GPC5: variants seen among roughly 807,000 people sequenced by gnomAD.
GPC5 encodes glypican 5, also known as glypican-5.
GPC5 carries 47 observed loss-of-function variants against 53.9 expected under a neutral mutation model. The observed-to-expected ratio is 0.87, with a 90% CI of 0.69 to 1.11. The LOEUF is 1.11. GPC5 is among the 50% of genes most tolerant of loss of function. The pLI, the probability that GPC5 is intolerant of heterozygous loss-of-function variation, is 0.00. For missense variants in GPC5, 748 were observed against 713.1 expected (o/e 1.05, Z -0.56); for synonymous variants, 286 against 263.3 (o/e 1.09, Z -0.84).
At chr13:91,783,196 G>C (rs2037825138) in intron 5 of GPC5, among the ~76,000 whole-genome samples, 1 of 151,976 alleles carries the variant, frequency 6.6e-6, no homozygotes, top group Non-Finnish European at 1.5e-5. Flanking sequence ...AGAGGTTGCA[G>C]TGAGCTGAGA....
At chr13:91,838,994 A>G (rs1302190153) in intron 5 of GPC5, among the ~76,000 whole-genome samples, 1 of 152,162 alleles carries the variant, frequency 6.6e-6, no homozygotes, top group Non-Finnish European at 1.5e-5. Context: ...TAAGGATAGT[A>G]TTTATAAAAA....
chr13:92,845,793 T>G (rs1051006072), intron 7 of GPC5, among the ~76,000 whole-genome samples: 10 of 152,174 alleles, frequency 6.6e-5, no homozygotes, highest in African/African-American at 2.4e-4. Context: ...AATGGTAATT[T>G]TAATATTAAT....
intron 1 of GPC5, among the ~76,000 whole-genome samples, chr13:91,448,384 C>T (rs531423528): frequency 3.3e-4 from 51 of 152,286 alleles, no homozygotes; most frequent in Non-Finnish European, 6.5e-4. Context: ...TTCTTTTAGT[C>T]CACATAATTA....
chr13:91,876,935 C>CT (rs1430297326), intron 5 of GPC5, among the ~76,000 whole-genome samples: 1 of 152,174 alleles, frequency 6.6e-6, no homozygotes, highest in Admixed American at 6.5e-5. Flanking sequence ...ACTTGGTGCC[C>CT]TGTGTCTCAG....
intron 2 of GPC5, among the ~76,000 whole-genome samples, chr13:91,488,027 C>A (rs1883716348): frequency 6.6e-6 from 1 of 151,182 alleles, no homozygotes; most frequent in African/African-American, 2.4e-5. Context: ...GCATTATATG[C>A]ACATTTAATT....
chr13:91,829,103 G>C (rs1434545424), intron 5 of GPC5, among the ~76,000 whole-genome samples: 1 of 151,976 alleles, frequency 6.6e-6, no homozygotes, highest in Non-Finnish European at 1.5e-5. Context: ...TCAATATTGG[G>C]TTAAAATGAC....
intron 7 of GPC5, among the ~76,000 whole-genome samples, chr13:92,771,998 A>G (rs539525793): frequency 6.6e-6 from 1 of 152,052 alleles, no homozygotes; most frequent in South Asian, 2.1e-4. Flanking sequence ...TCTTTCAGAA[A>G]CTCATCTCCA....
intron 7 of GPC5, among the ~76,000 whole-genome samples, chr13:92,839,071 C>T (rs1878328980): frequency 6.6e-6 from 1 of 152,192 alleles, no homozygotes; most frequent in African/African-American, 2.4e-5. Context: ...AAGTGCCATT[C>T]AAATGAGTCA....
In GPC5 at chr13:91,724,620, G is replaced by A. The variant is rs185268931; in HGVS notation, c.1021-3912G>A. Among the ~76,000 whole-genome samples, 195 of 152,148 alleles carry A rather than the reference G, an allele frequency of 1.3e-3. 1 individual carries two copies. The highest frequency in any genetic ancestry group is 4.4e-3 in the African/African-American group (181 of 41,500). On this transcript the variant is annotated intron_variant, in intron 3 of 7. Coordinates refer to ENST00000377067, the MANE Select transcript of GPC5 (RefSeq NM_004466.6). ...TTCCAGCATTTTGGGAGGCTGAGGT[G>A]GGAGGATCACTTGAGGCCAGGGGTT...
At chr13:92,000,936 T>C (rs1053085019) in intron 6 of GPC5, among the ~76,000 whole-genome samples, 4 of 152,160 alleles carry the variant, frequency 2.6e-5, no homozygotes, top group Non-Finnish European at 4.4e-5. Context: ...GTGTGGAGAA[T>C]AGGTAACAGC....
At chr13:91,410,387 C>G (rs1877640739) in intron 1 of GPC5, among the ~76,000 whole-genome samples, 2 of 138,684 alleles carry the variant, frequency 1.4e-5, no homozygotes, top group South Asian at 4.7e-4. Context: ...TCTCTGTCGC[C>G]CAGGCTGGAG....
At position 91,728,508 on chromosome 13, in the gene GPC5, C is replaced by T. The variant is rs564813585; in HGVS notation, c.1021-24C>T. On this transcript the variant is annotated intron_variant, in intron 3 of 7. Coordinates refer to ENST00000377067, the MANE Select transcript of GPC5 (RefSeq NM_004466.6). ...AAGGTGGAGTACGATTTCTAACTAC[C>T]TTTTAATGTTTTCTATTTAAAAGGT... is the stretch of plus-strand genomic sequence containing the variant. 2.1e-5 allele frequency: 34 copies of T among 1,600,748 alleles called. 1 individual carries two copies. The South Asian group carries it at 3.4e-4, about 16-fold the overall frequency.
Position 92,733,419 on chromosome 13 carries a change from G to A in GPC5, c.1562-132863G>A, listed in dbSNP as rs557023067. Among the ~76,000 whole-genome samples, 11 of 151,746 alleles carry A rather than the reference G, an allele frequency of 7.2e-5. No homozygotes were observed. In the Middle Eastern group the frequency reaches 0.01, roughly 142 times the overall value. ...GTCTTTCATTCACTGGTACCAATAG[G>A]CAGGAAGTTGAAGTTACTATCATTA... is the stretch of plus-strand genomic sequence containing the variant. On this transcript the variant is annotated intron_variant, in intron 7 of 7. Coordinates refer to ENST00000377067, the MANE Select transcript of GPC5 (RefSeq NM_004466.6).
intron 7 of GPC5, among the ~76,000 whole-genome samples, chr13:92,322,015 AT>A (rs2043219111): frequency 6.6e-6 from 1 of 152,200 alleles, no homozygotes; most frequent in Non-Finnish European, 1.5e-5. Flanking sequence ...TGTGACAAAA[AT>A]TTATGTAATG....
At chr13:92,601,686 AAATAT>A (rs1317380400) in intron 7 of GPC5, among the ~76,000 whole-genome samples, 1 of 152,100 alleles carries the variant, frequency 6.6e-6, no homozygotes, top group Non-Finnish European at 1.5e-5. Context: ...CTGAAAAAGA[AAATAT>A]AATAAAATGC....
chr13:92,836,139 T>C (rs1187912516), intron 7 of GPC5, among the ~76,000 whole-genome samples: 2 of 152,112 alleles, frequency 1.3e-5, no homozygotes, highest in Non-Finnish European at 2.9e-5. Flanking sequence ...TAAGTATAAT[T>C]TGCCATACAA....
At chr13:92,743,802 T>C (rs1889171453) in intron 7 of GPC5, among the ~76,000 whole-genome samples, 2 of 152,216 alleles carry the variant, frequency 1.3e-5, no homozygotes, top group Admixed American at 1.3e-4. Context: ...TGAAGGCTGT[T>C]GAATTTTGTC....
At chr13:92,256,732 A>T (rs1854812) in intron 7 of GPC5, among the ~76,000 whole-genome samples, 86,594 of 151,502 alleles carry the variant, frequency 0.57, 24,991 homozygotes, top group South Asian at 0.65. Context: ...TCCTGAGGTG[A>T]ATTGATTTAT....
At chr13:91,839,783 G>GA (rs1566296660) in intron 5 of GPC5, among the ~76,000 whole-genome samples, 2 of 152,238 alleles carry the variant, frequency 1.3e-5, no homozygotes, top group South Asian at 4.2e-4. Context: ...TATAAGTCAT[G>GA]AAAAGAAGGA....
Sources: allele counts gnomAD v4.1 joint callset (sites outside exome capture counted in the v4.1 genomes callset), GRCh38; gene constraint gnomAD v4.1.1; transcripts MANE v1.5; gene names NCBI Gene and HGNC (gene_info 2026-07-23, HGNC 2026-07-21).